The following SENP1 variants were observed in gnomAD, a reference collection of about 807,000 sequenced individuals.
The protein encoded by SENP1 is SUMO specific peptidase 1.
Under a neutral mutation model 93.0 loss-of-function variants are expected in SENP1, and 21 were observed. The observed-to-expected ratio is 0.23, with a 90% CI of 0.16 to 0.33. SENP1 has a LOEUF of 0.33. Among genes scored for constraint, SENP1 ranks in the 10% least tolerant of loss-of-function variants. The pLI is 1.00. For missense variants in SENP1, 591 were observed against 758.7 expected, an observed-to-expected ratio of 0.78 and a Z score of 2.60; for synonymous variants, 256 against 259.6, an observed-to-expected ratio of 0.99 and a Z score of 0.13.
chr12:48,065,065 C>G lies in SENP1; in HGVS notation c.1275G>C (p.Glu425Asp), dbSNP rs777689984. ...TAGAAATTAAGTGTATGTAACTTACCTCTGTAATTTCAGGAAATTCATCTT... is the reference window on the plus strand; with the variant it reads ...TAGAAATTAAGTGTATGTAACTTACGTCTGTAATTTCAGGAAATTCATCTT... ...DSEDEFPEIT[E>D]EMEKEIKNVF... Residue 425 changes from glutamate to aspartate, a missense_variant and splice_region_variant, in exon 12 of 18, where the codon GAG becomes GAC. This residue lies in a region of SENP1 where 238 missense variants were observed against 259.1 expected (regional missense o/e 0.92). Transcript: ENST00000549518. 1.3e-6 allele frequency: 2 copies of G among 1,577,648 alleles called. No individual in the cohort carries two copies. Among genetic ancestry groups the G allele is most frequent in the South Asian group, 1.1e-5 (1 of 90,152 alleles).
At position 48,088,787 on chromosome 12, in the gene SENP1, G is replaced by A. The variant is rs1945048681; in HGVS notation, c.380+14C>T. 3 of 1,605,752 alleles carry A rather than the reference G, an allele frequency of 1.9e-6. No individual in the cohort carries two copies. Among genetic ancestry groups the A allele is most frequent in the African/African-American group, 2.7e-5 (2 of 74,818 alleles). On this transcript the variant is annotated intron_variant, in intron 5 of 17. Coordinates refer to ENST00000549518, the MANE Select transcript of SENP1 (RefSeq NM_001267594.2). ...TGAGGAAGGGCTTGAGAACTAAGAT[G>A]ACAAAATACGAACCTTGAGGTCTTT...
At chr12:48,098,946 T>C (rs918220636) in intron 2 of SENP1, 4 of 152,208 alleles carry the variant, frequency 2.6e-5, no homozygotes, top group Admixed American at 2.6e-4. Context: ...GTGCAGAAAT[T>C]GGCTCATTTG....
intron 6 of SENP1, among the ~76,000 whole-genome samples, chr12:48,082,855 T>C (rs957334759): frequency 6.6e-6 from 1 of 152,192 alleles, no homozygotes; most frequent in Non-Finnish European, 1.5e-5. Context: ...TTTTCTCTTA[T>C]ATTGAAGAAA....
chr12:48,058,605 T>C (rs1271422088), intron 13 of SENP1, among the ~76,000 whole-genome samples: 2 of 152,202 alleles, frequency 1.3e-5, no homozygotes, highest in African/African-American at 4.8e-5. Flanking sequence ...CTTCCAACAG[T>C]ATATTTGTCC....
intron 14 of SENP1, among the ~76,000 whole-genome samples, 172 bp from the exon 15 acceptor site, chr12:48,048,252 G>A (rs193083490): frequency 1.3e-5 from 2 of 152,174 alleles, no homozygotes; most frequent in East Asian, 3.9e-4. Flanking sequence ...AAAAATGAAG[G>A]GTTATTTACA....
chr12:48,081,180 A>G (rs1944465450), intron 6 of SENP1: 1 of 152,188 alleles, frequency 6.6e-6, no homozygotes, highest in South Asian at 2.1e-4. Context: ...TCCTCCACAA[A>G]GTCTCTCTGC....
At chr12:48,060,336 C>T (rs1188838465) in intron 13 of SENP1, among the ~76,000 whole-genome samples, 2 of 152,150 alleles carry the variant, frequency 1.3e-5, no homozygotes, top group Non-Finnish European at 2.9e-5. Flanking sequence ...CCTTTTAAAA[C>T]AATCCTTAGT....
In SENP1 at chr12:48,083,716, C is replaced by G. The variant is rs747904947; in HGVS notation, c.427G>C (p.Val143Leu). 6.2e-7 allele frequency: 1 copy of G among 1,613,016 alleles called. No homozygotes were observed. Among genetic ancestry groups the G allele is most frequent in the Non-Finnish European group, 8.5e-7 (1 of 1,179,414 alleles). The change falls in exon 6 of 18, where the codon GTA becomes CTA. Residue 143 changes from valine to leucine, a missense_variant. By Grantham distance (32) the Val-to-Leu change is conservative. This residue lies in a region of SENP1 where 214 missense variants were observed against 243.4 expected (regional missense o/e 0.88). Coordinates refer to ENST00000549518, the MANE Select transcript of SENP1 (RefSeq NM_001267594.2). ...GGAAAAGATTTTTCATATGCAGATA[C>G]ATGGCAGTGATGGTTTGACTTTCCC... is the stretch of plus-strand genomic sequence containing the variant. ...FAGKSNHHCH[V>L]SAYEKSFPIK...
intron 2 of SENP1, among the ~76,000 whole-genome samples, chr12:48,098,731 G>A (rs1477814079): frequency 6.6e-6 from 1 of 151,466 alleles, no homozygotes; most frequent in Non-Finnish European, 1.5e-5. Context: ...GGACTGTTTT[G>A]AGCCCATGAG....
intron 1 of SENP1, among the ~76,000 whole-genome samples, chr12:48,102,431 C>CAAAAAAAAAAAAAAA (rs57161608): frequency 2.1e-5 from 1 of 47,458 alleles, no homozygotes; most frequent in Non-Finnish European, 3.8e-5. Flanking sequence ...GACTCTGTCT[C>CAAAAAAAAAAAAAAA]AAAAAAAAAA....
rs1941097781 is a variant in SENP1, at chr12:48,043,032, A to G, written c.*2290T>C. ...AAAGCCTACCCCTAAACAAAGGGGA[A>G]AGTTTCCAGATACTACTCCTGCTCT... is the stretch of plus-strand genomic sequence containing the variant. On this transcript the variant is annotated 3_prime_UTR_variant, in exon 18 of 18. Coordinates refer to ENST00000549518, the MANE Select transcript of SENP1 (RefSeq NM_001267594.2). The G allele has an allele frequency of 6.6e-6, 1 of 152,300 alleles. No individual in the cohort carries two copies. Among genetic ancestry groups the G allele is most frequent in the South Asian group, 2.1e-4 (1 of 4,814 alleles). 9.4% of individuals were successfully genotyped at this position (152,300 alleles called of 1,614,324 possible). A position where few individuals can be genotyped will look rare whatever the true frequency, so the allele number is the denominator to read the frequency against.
At chr12:48,073,926 T>A (rs1592377956) in intron 8 of SENP1, among the ~76,000 whole-genome samples, 1 of 152,174 alleles carries the variant, frequency 6.6e-6, no homozygotes, top group Non-Finnish European at 1.5e-5. Flanking sequence ...AAAAAGAATA[T>A]CCTATTTGTG....
At chr12:48,072,901 C>A (rs1350635299) in intron 8 of SENP1, among the ~76,000 whole-genome samples, 1 of 151,776 alleles carries the variant, frequency 6.6e-6, no homozygotes, top group African/African-American at 2.4e-5. Context: ...ACATATCCTC[C>A]CCCCACAGAT....
intron 5 of SENP1, among the ~76,000 whole-genome samples, chr12:48,087,139 A>C (rs1944931158): frequency 6.6e-6 from 1 of 152,200 alleles, no homozygotes; most frequent in South Asian, 2.1e-4. Flanking sequence ...GCAAAACTAA[A>C]CTAACTATAA....
intron 13 of SENP1, among the ~76,000 whole-genome samples, chr12:48,057,969 TA>T (rs1942684482): frequency 9.9e-6 from 1 of 101,030 alleles, no homozygotes; most frequent in Non-Finnish European, 1.9e-5. Context: ...TTTTTTGAGA[TA>T]AAGTCTCGCT....
chr12:48,069,061 G>A (rs565678668), intron 9 of SENP1, among the ~76,000 whole-genome samples: 1 of 142,640 alleles, frequency 7.0e-6, no homozygotes, highest in Admixed American at 7.3e-5. Flanking sequence ...GGTAAGGCAC[G>A]AGAATCACTT....
chr12:48,079,146 TTTCA>T (rs1357910177), intron 6 of SENP1, among the ~76,000 whole-genome samples: 1 of 151,904 alleles, frequency 6.6e-6, no homozygotes, highest in Non-Finnish European at 1.5e-5. Context: ...TGAGACTCTA[TTTCA>T]TAAAATTAAA....
chr12:48,085,915 A>G (rs930663197), intron 5 of SENP1, among the ~76,000 whole-genome samples: 1 of 152,186 alleles, frequency 6.6e-6, no homozygotes, highest in South Asian at 2.1e-4. Flanking sequence ...GCGCCTATGC[A>G]TGTTTTTTTT....
At chr12:48,049,265 T>C (rs7975632) in intron 13 of SENP1, 133 bp from the exon 14 acceptor site, 447,110 of 663,642 alleles carry the variant, frequency 0.67, 155,788 homozygotes, top group East Asian at 0.99. Context: ...ATCCAACAGA[T>C]TCATTTCTCT....
Sources: allele counts gnomAD v4.1 joint callset (sites outside exome capture counted in the v4.1 genomes callset), GRCh38; gene constraint gnomAD v4.1.1; regional missense constraint gnomAD v4.1.1; transcripts MANE v1.5; gene names NCBI Gene and HGNC (gene_info 2026-07-23, HGNC 2026-07-21).